SH3BGRL: variants seen among roughly 807,000 people sequenced by gnomAD.
SH3BGRL encodes the protein adapter SH3BGRL.
In SH3BGRL, 7 loss-of-function variants were observed where a neutral mutation model predicts 9.8. The observed-to-expected ratio is 0.72, with a 90% CI of 0.41 to 1.35. The LOEUF is 1.35. Ranked by LOEUF, SH3BGRL falls within the 40% of genes most tolerant of loss-of-function variation. The pLI is 0.01. For missense variants in SH3BGRL, 73 were observed against 84.4 expected (o/e 0.86, Z 0.53); for synonymous variants, 36 against 29.1 (o/e 1.24, Z -0.76).
intron 3 of SH3BGRL, among the ~76,000 whole-genome samples, chrX:81,292,148 C>G (rs1269729648): frequency 8.9e-6 from 1 of 112,108 alleles, no homozygotes; most frequent in Non-Finnish European, 1.9e-5. Context: ...CACATTTTCT[C>G]TCAGCACTGC....
intron 1 of SH3BGRL, among the ~76,000 whole-genome samples, chrX:81,227,206 T>C (rs746519533): frequency 6.2e-5 from 7 of 112,214 alleles, no homozygotes; most frequent in African/African-American, 2.3e-4. Context: ...TACTGAGTCA[T>C]TGTTTGTTAG....
In SH3BGRL at chrX:81,245,282, G is replaced by T. The variant is rs143754011; in HGVS notation, c.46-31702G>T. Among the ~76,000 whole-genome samples, 680 of 111,640 alleles carry T rather than the reference G, an allele frequency of 6.1e-3. 13 individuals carry two copies. Among genetic ancestry groups the T allele is most frequent in the African/African-American group, 0.021 (632 of 30,688 alleles). On this transcript the variant is annotated intron_variant, in intron 1 of 3. Coordinates refer to ENST00000373212, the MANE Select transcript of SH3BGRL (RefSeq NM_003022.3). ...AAGGCACTCTGTTCTGTATTCTGAG[G>T]CACACAAACATAAATCAGATGTGAG... is the stretch of plus-strand genomic sequence containing the variant.
At chrX:81,223,938 G>A (rs1389664782) in intron 1 of SH3BGRL, among the ~76,000 whole-genome samples, 3 of 111,252 alleles carry the variant, frequency 2.7e-5, no homozygotes, top group Non-Finnish European at 3.8e-5. Context: ...CTCCAGTCTT[G>A]GCCTCCCAAT....
At chrX:81,279,025 A>T (rs1470366421) in intron 3 of SH3BGRL, among the ~76,000 whole-genome samples, 3 of 112,337 alleles carry the variant, frequency 2.7e-5, no homozygotes, top group Non-Finnish European at 5.6e-5. Context: ...TGCCTTTTAT[A>T]GTAGTTCTTC....
At chrX:81,215,347 T>C in intron 1 of SH3BGRL, among the ~76,000 whole-genome samples, 1 of 111,294 alleles carries the variant, frequency 9.0e-6, no homozygotes, top group Non-Finnish European at 1.9e-5. Flanking sequence ...AGATAGGTCC[T>C]GCCGATTCTG....
chrX:81,243,458 A>G (rs766027877), intron 1 of SH3BGRL, among the ~76,000 whole-genome samples: 62 of 111,983 alleles, frequency 5.5e-4, no homozygotes, highest in African/African-American at 2.0e-3. Context: ...AAGAATGAAT[A>G]AGACCTACTA....
At chrX:81,251,362 C>G (rs1238804373) in intron 1 of SH3BGRL, among the ~76,000 whole-genome samples, 2 of 109,224 alleles carry the variant, frequency 1.8e-5, no homozygotes, top group Non-Finnish European at 3.8e-5. Context: ...TTGACTAGCT[C>G]GCTTCCGCTT....
At chrX:81,270,008 A>G (rs781055688) in intron 1 of SH3BGRL, among the ~76,000 whole-genome samples, 20 of 109,864 alleles carry the variant, frequency 1.8e-4, no homozygotes, top group Non-Finnish European at 3.6e-4. Flanking sequence ...GCTTGATTGA[A>G]TGAGCCATTG....
intron 3 of SH3BGRL, among the ~76,000 whole-genome samples, chrX:81,292,417 A>ACAAAG (rs2075861008): frequency 9.0e-6 from 1 of 110,642 alleles, no homozygotes; most frequent in Non-Finnish European, 1.9e-5. Context: ...GAGTTGCCAT[A>ACAAAG]TCCTGAGGCT....
chrX:81,229,192 G>A (rs1306532678), intron 1 of SH3BGRL, among the ~76,000 whole-genome samples: 2 of 110,145 alleles, frequency 1.8e-5, no homozygotes, highest in Non-Finnish European at 3.8e-5. Context: ...CCATGGGGGT[G>A]TGGCTCACTT....
intron 1 of SH3BGRL, among the ~76,000 whole-genome samples, chrX:81,263,004 G>A (rs762791340): frequency 1.2e-4 from 13 of 110,866 alleles, no homozygotes; most frequent in Non-Finnish European, 2.5e-4. Flanking sequence ...GAAATGATTG[G>A]CAAACATTGG....
At chrX:81,278,460 A>C (rs774813391) in intron 3 of SH3BGRL, 49 bp downstream of exon 3, 3 of 787,818 alleles carry the variant, frequency 3.8e-6, no homozygotes, top group East Asian at 6.6e-5. Context: ...ATTGCTGCTG[A>C]ACTTTTTTAA....
At chrX:81,217,392 C>T (rs2075584768) in intron 1 of SH3BGRL, among the ~76,000 whole-genome samples, 1 of 109,607 alleles carries the variant, frequency 9.1e-6, no homozygotes, top group South Asian at 3.8e-4. Flanking sequence ...TTGATGTAGG[C>T]CTTTAATGTT....
chrX:81,265,364 C>T (rs1397071903), intron 1 of SH3BGRL, among the ~76,000 whole-genome samples: 1 of 108,843 alleles, frequency 9.2e-6, no homozygotes, highest in Non-Finnish European at 1.9e-5. Flanking sequence ...TCCCCTAGTC[C>T]CACACCCGCC....
At chrX:81,249,277 C>G (rs1305290736) in intron 1 of SH3BGRL, among the ~76,000 whole-genome samples, 1 of 112,121 alleles carries the variant, frequency 8.9e-6, no homozygotes, top group Non-Finnish European at 1.9e-5. Context: ...ACCAATGGAC[C>G]AGTAAATCTC....
intron 1 of SH3BGRL, among the ~76,000 whole-genome samples, chrX:81,253,358 G>GT (rs929334959): frequency 5.4e-5 from 6 of 111,275 alleles, no homozygotes; most frequent in African/African-American, 1.3e-4. Flanking sequence ...TTGTTTGTTT[G>GT]TTTTTTTATT....
chrX:81,273,983 A>G (rs1010842411), intron 1 of SH3BGRL, among the ~76,000 whole-genome samples: 1 of 111,984 alleles, frequency 8.9e-6, no homozygotes, highest in African/African-American at 3.2e-5. Context: ...TTCTTTCGGT[A>G]GAGGTGAGGG....
At chrX:81,246,962 G>C (rs769882254) in intron 1 of SH3BGRL, among the ~76,000 whole-genome samples, 4 of 111,562 alleles carry the variant, frequency 3.6e-5, no homozygotes, top group African/African-American at 6.5e-5. Context: ...TTTTCCATTT[G>C]TTTGTGTTGT....
intron 1 of SH3BGRL, among the ~76,000 whole-genome samples, chrX:81,256,898 T>G (rs181188122): frequency 1.8e-5 from 2 of 111,799 alleles, no homozygotes; most frequent in African/African-American, 6.5e-5. Flanking sequence ...GACTTTCCTA[T>G]ATTATGGTTG....
Sources: allele counts gnomAD v4.1 joint callset (sites outside exome capture counted in the v4.1 genomes callset), GRCh38; gene constraint gnomAD v4.1.1; transcripts MANE v1.5; gene names NCBI Gene and HGNC (gene_info 2026-07-23, HGNC 2026-07-21).